The following SPAG17 variants were observed in gnomAD, a reference collection of about 807,000 sequenced individuals.
SPAG17 encodes sperm-associated antigen 17.
A neutral mutation model predicts 273.6 loss-of-function variants in SPAG17; 169 were observed. That is an observed-to-expected ratio of 0.62 (90% CI 0.55 to 0.70). The LOEUF is 0.70. Ranked by LOEUF, SPAG17 falls within the 30% of genes least tolerant of loss-of-function variation. SPAG17 has a pLI of 0.00. For missense variants in SPAG17, 2,557 were observed against 2,627.8 expected (o/e 0.97, Z 0.59); for synonymous variants, 825 against 873.2 (o/e 0.94, Z 0.97).
At chr1:118,156,287 C>G (rs1280333740) in intron 1 of SPAG17, among the ~76,000 whole-genome samples, 1 of 152,166 alleles carries the variant, frequency 6.6e-6, no homozygotes, top group Non-Finnish European at 1.5e-5. Flanking sequence ...TTTGTGGTGC[C>G]TGGCAGTGAA....
chr1:117,961,198 A>G (rs78129391), intron 48 of SPAG17: 7,592 of 152,242 alleles, frequency 0.05, 582 homozygotes, highest in African/African-American at 0.16. Flanking sequence ...CAGGAGAATC[A>G]CTTGAACCCG....
chr1:118,155,138 T>C (rs1363278972), intron 1 of SPAG17, among the ~76,000 whole-genome samples: 1 of 152,108 alleles, frequency 6.6e-6, no homozygotes, highest in Non-Finnish European at 1.5e-5. Context: ...AATGAAGTCA[T>C]GTATGGACAC....
intron 3 of SPAG17, among the ~76,000 whole-genome samples, chr1:118,148,838 C>T (rs2102344164): frequency 6.6e-6 from 1 of 152,276 alleles, no homozygotes; most frequent in South Asian, 2.1e-4. Context: ...GCAGGGGTTG[C>T]CAGTGACTTT....
In SPAG17 at chr1:118,101,889, C is replaced by T; in HGVS notation, c.485G>A (p.Gly162Glu). Reference sequence around the variant, plus strand: ...TTTCTCCTTGGGAGATTTTGCTTTCCCTTTATCCTTTTCTAACTTAGGTTT... The same window carrying T: ...TTTCTCCTTGGGAGATTTTGCTTTCTCTTTATCCTTTTCTAACTTAGGTTT... ...EDKPKLEKDK[G>E]KAKSPKEKKA... The change falls in exon 5 of 49, where the codon GGG becomes GAG. Residue 162 changes from glycine (G) to glutamate (E), a missense_variant. Transcript: ENST00000336338. 1 of 1,613,504 alleles carries T rather than the reference C, an allele frequency of 6.2e-7. No homozygotes were observed.
intron 23 of SPAG17, among the ~76,000 whole-genome samples, chr1:118,038,798 G>A (rs1649386282): frequency 6.6e-6 from 1 of 152,112 alleles, no homozygotes; most frequent in African/African-American, 2.4e-5. Context: ...ACAGAGCACA[G>A]ATTTTCAGGG....
chr1:118,170,952 T>C (rs1219713280), intron 1 of SPAG17, among the ~76,000 whole-genome samples: 1 of 152,192 alleles, frequency 6.6e-6, no homozygotes, highest in Non-Finnish European at 1.5e-5. Context: ...ATGGTCACTT[T>C]CAATTTTTAA....
rs149783550 is a variant in SPAG17, at chr1:118,045,256, T to A, written c.2815-3214A>T. ...ATGTTCTTCAGGATAGGATGTAGGCTGTCCAGAAAGACCAAACCTTAATTA... is the reference window on the plus strand; with the variant it reads ...ATGTTCTTCAGGATAGGATGTAGGCAGTCCAGAAAGACCAAACCTTAATTA... On this transcript the variant is annotated intron_variant, in intron 20 of 48. Transcript: ENST00000336338. 2.4e-3 allele frequency among the ~76,000 whole-genome samples: 369 copies of A among 152,330 alleles called. 1 individual carries two copies. Among genetic ancestry groups the A allele is most frequent in the African/African-American group, 7.8e-3 (324 of 41,584 alleles).
At chr1:118,081,004 T>C (rs1654508348) in intron 15 of SPAG17, 97 bp downstream of exon 15, 2 of 961,810 alleles carry the variant, frequency 2.1e-6, no homozygotes, top group Non-Finnish European at 3.2e-6. Flanking sequence ...ATAACTTAAA[T>C]TCAAATAATG....
In SPAG17 at chr1:118,177,232, A is replaced by C. The variant is rs58914666; in HGVS notation, c.87+7839T>G. ...AATTCTCTATTGCTGGGGAGGCCTC[A>C]GAAAACTTACAATCATGGTGGAAGA... On this transcript the variant is annotated intron_variant, in intron 1 of 48. Transcript: ENST00000336338. 7.8e-3 allele frequency among the ~76,000 whole-genome samples: 1,185 copies of C among 152,322 alleles called. 20 individuals carry two copies. Among genetic ancestry groups the C allele is most frequent in the African/African-American group, 0.027 (1,122 of 41,584 alleles).
Position 118,093,324 on chromosome 1 carries a change from G to C in SPAG17, c.1012-7C>G, listed in dbSNP as rs1655506908. 1 of 1,599,744 alleles carries C rather than the reference G, an allele frequency of 6.3e-7. No homozygotes were observed. ...TATCAGTGCCCAATTTCAGCTACAA[G>C]TGAGAGATTTAATGGCAATTGGTTA... On this transcript the variant is annotated splice_polypyrimidine_tract_variant and splice_region_variant and intron_variant, in intron 7 of 48. Transcript: ENST00000336338.
chr1:118,162,009 C>T (rs1194344930), intron 1 of SPAG17, among the ~76,000 whole-genome samples: 6 of 152,162 alleles, frequency 3.9e-5, no homozygotes. Context: ...CTCATTCCCT[C>T]ACTTGTGTAA....
At chr1:118,148,765 G>A (rs1402430862) in intron 3 of SPAG17, among the ~76,000 whole-genome samples, 1 of 152,166 alleles carries the variant, frequency 6.6e-6, no homozygotes, top group Non-Finnish European at 1.5e-5. Flanking sequence ...CAAAGGTCCA[G>A]AAGTCCCAAG....
chr1:118,023,186 A>G lies in SPAG17; in HGVS notation c.4069+118T>C, dbSNP rs1002470352. ...TTTATATGTATGTATGTATAAGAAT[A>G]TATAAATATATTTGTAGAAGAGGTT... On this transcript the variant is annotated intron_variant, in intron 28 of 48. Transcript: ENST00000336338. 2.5e-5 allele frequency: 16 copies of G among 646,918 alleles called. No individual in the cohort carries two copies. The African/African-American group carries it at 3.0e-4, about 12-fold the overall frequency. 40.1% of individuals were successfully genotyped at this position (646,918 alleles called of 1,614,324 possible). A position where few individuals can be genotyped will look rare whatever the true frequency, so the allele number is the denominator to read the frequency against.
At chr1:118,077,257 T>C (rs1018070188) in intron 15 of SPAG17, among the ~76,000 whole-genome samples, 2 of 152,024 alleles carry the variant, frequency 1.3e-5, no homozygotes, top group Non-Finnish European at 2.9e-5. Context: ...ACAGCTACAA[T>C]GTGACACCAA....
chr1:117,955,247 A>G, intron 48 of SPAG17: 1 of 1,364,440 alleles, frequency 7.3e-7, no homozygotes, highest in East Asian at 2.4e-5. Flanking sequence ...TATAGGAGAT[A>G]GAAATTAGAG....
At chr1:118,020,193 C>T (rs999640862) in intron 28 of SPAG17, among the ~76,000 whole-genome samples, 3 of 152,110 alleles carry the variant, frequency 2.0e-5, no homozygotes, top group Admixed American at 6.5e-5. Context: ...CCAAGGCAAG[C>T]GGATCACTTT....
chr1:118,174,881 AT>A (rs750092779), intron 1 of SPAG17, among the ~76,000 whole-genome samples: 1 of 152,208 alleles, frequency 6.6e-6, no homozygotes, highest in Non-Finnish European at 1.5e-5. Context: ...TGCTTCAAAA[AT>A]GAAGAAGAAA....
intron 15 of SPAG17, among the ~76,000 whole-genome samples, chr1:118,077,887 C>A (rs1654233777): frequency 1.3e-5 from 2 of 152,290 alleles, no homozygotes; most frequent in South Asian, 4.1e-4. Context: ...AGCTGCAAGA[C>A]ACAGTGGAGG....
chr1:117,994,383 A>G (rs894639837), intron 35 of SPAG17, 23 bp downstream of exon 35: 1 of 1,606,674 alleles, frequency 6.2e-7, no homozygotes. Context: ...TAATAAAATG[A>G]CTTTTTAGAA....
Sources: allele counts gnomAD v4.1 joint callset (sites outside exome capture counted in the v4.1 genomes callset), GRCh38; gene constraint gnomAD v4.1.1; transcripts MANE v1.5; gene names NCBI Gene and HGNC (gene_info 2026-07-23, HGNC 2026-07-21).